AP2A1: variants seen among roughly 807,000 people sequenced by gnomAD.
The protein encoded by AP2A1 is AP-2 complex subunit alpha-1.
In AP2A1, 21 loss-of-function variants were observed where a neutral mutation model predicts 107.3. The ratio of observed to expected loss-of-function variants is 0.20; its 90% CI spans 0.14 to 0.28. AP2A1 has a LOEUF of 0.28. Among genes scored for constraint, AP2A1 ranks in the 10% least tolerant of loss-of-function variants. The pLI, the probability that AP2A1 is intolerant of heterozygous loss-of-function variation, is 1.00. For synonymous variants in AP2A1, 602 were observed against 564.8 expected (o/e 1.07, Z -0.93); for missense variants, 873 against 1,307.7 (o/e 0.67, Z 5.13).
chr19:49,773,332 G>A (rs758893380), intron 1 of AP2A1, among the ~76,000 whole-genome samples: 2 of 152,194 alleles, frequency 1.3e-5, no homozygotes, highest in Non-Finnish European at 2.9e-5. Context: ...TGGGAGCGGG[G>A]TGCTGGCTGC....
chr19:49,800,697 C>A, intron 11 of AP2A1: 1 of 387,936 alleles, frequency 2.6e-6, no homozygotes, highest in Non-Finnish European at 4.7e-6. Flanking sequence ...TTTGAAACTC[C>A]TGAGCTCAGG....
chr19:49,803,278 C>G lies in AP2A1; in HGVS notation c.2255-9C>G. On this transcript the variant is annotated splice_polypyrimidine_tract_variant and intron_variant, in intron 17 of 22. Transcript: ENST00000354293. ...TCAGATGGAGCTCTGCCTCCCCCAC[C>G]TACTGCAGGCCGCATGTATCTCTTC... 6.2e-7 allele frequency: 1 copy of G among 1,613,804 alleles called. No homozygotes were observed. Among genetic ancestry groups the G allele is most frequent in the Non-Finnish European group, 8.5e-7 (1 of 1,179,802 alleles).
chr19:49,782,025 T>C lies in AP2A1; in HGVS notation c.215T>C (p.Ile72Thr). Residue 72 changes from isoleucine to threonine, a missense_variant, in exon 3 of 23, where the codon ATT becomes ACT. By Grantham distance (89) the Ile-to-Thr change is moderately conservative. This residue lies in a region of AP2A1 where 87 missense variants were observed against 178.2 expected (regional missense o/e 0.49). Transcript: ENST00000354293. ...TTCATCTTCCTGCTTGGCCATGACA[T>C]TGACTTTGGGCACATGGAGGCTGTG... The part of the protein sequence containing the change: ...LLFIFLLGHD[I>T]DFGHMEAVNL... 1 of 1,599,418 alleles carries C rather than the reference T, an allele frequency of 6.3e-7. No individual in the cohort carries two copies. The highest frequency in any genetic ancestry group is 8.5e-7 in the Non-Finnish European group (1 of 1,172,558).
chr19:49,777,699 G>A lies in AP2A1; in HGVS notation c.68-4058G>A, dbSNP rs2084630868. On this transcript the variant is annotated intron_variant, in intron 1 of 22. Transcript: ENST00000354293. ...CCATGCCTATAATCCCAGCACTTCG[G>A]GAGGCTGAGGTGGGCGGAGGAGTTG... Among the ~76,000 whole-genome samples the A allele has an allele frequency of 3.3e-5, 5 of 152,086 alleles. No individual in the cohort carries two copies. The South Asian group carries it at 1.0e-3, about 32-fold the overall frequency.
Position 49,803,390 on chromosome 19 carries a change from C to T in AP2A1, c.2344+14C>T, listed in dbSNP as rs755768589. The T allele has an allele frequency of 1.9e-6, 3 of 1,608,656 alleles. No individual in the cohort carries two copies. The South Asian group carries it at 3.3e-5, about 18-fold the overall frequency. On this transcript the variant is annotated intron_variant, in intron 18 of 22. Transcript: ENST00000354293. ...ACCTCCAGACTCATATCCTCTCAGGCCCGGCCCAGCCTCCTGCCTCTCCAC... is the reference window on the plus strand; with the variant it reads ...ACCTCCAGACTCATATCCTCTCAGGTCCGGCCCAGCCTCCTGCCTCTCCAC...
At position 49,782,611 on chromosome 19, in the gene AP2A1, G is replaced by C. The variant is rs564385832; in HGVS notation, c.360G>C (p.Leu120=). The change falls in exon 4 of 23, where the codon CTG becomes CTC. Residue 120 remains leucine (L), a synonymous_variant. Coordinates refer to ENST00000354293, the MANE Select transcript of AP2A1 (RefSeq NM_130787.3). ...TCAACAACGCCATCAAGAATGACCT[G>C]GCCAGCCGCAACCCCACCTTCATGT... ...RLINNAIKND[L]ASRNPTFMCL... 15 of 1,613,820 alleles carry C rather than the reference G, an allele frequency of 9.3e-6. No homozygotes were observed. The African/African-American group carries it at 2.0e-4, about 21-fold the overall frequency.
At position 49,801,901 on chromosome 19, in the gene AP2A1, G is replaced by A. The variant is rs764541373; in HGVS notation, c.1953+12G>A. The A allele has an allele frequency of 2.7e-6, 4 of 1,470,126 alleles. No homozygotes were observed. The highest frequency in any genetic ancestry group is 2.4e-5 in the East Asian group (1 of 41,314). 91.1% of individuals were successfully genotyped at this position (1,470,126 alleles called of 1,614,324 possible). A position where few individuals can be genotyped will look rare whatever the true frequency, so the allele number is the denominator to read the frequency against. ...CCCCCAGCACTGTGGTGAGTCCCCTGGGGTGGGCCCTGCCAGGGTGCCTGG... is the reference window on the plus strand; with the variant it reads ...CCCCCAGCACTGTGGTGAGTCCCCTAGGGTGGGCCCTGCCAGGGTGCCTGG... On this transcript the variant is annotated intron_variant, in intron 14 of 22. Transcript: ENST00000354293.
chr19:49,802,922 C>G (rs1212496391), intron 15 of AP2A1, 27 bp from the exon 16 acceptor site: 1 of 1,608,958 alleles, frequency 6.2e-7, no homozygotes, highest in Admixed American at 1.7e-5. Context: ...AAGTTCCTTC[C>G]CATCTCACTC....
At chr19:49,800,422 A>G (rs180916365) in intron 11 of AP2A1, among the ~76,000 whole-genome samples, 87 of 152,266 alleles carry the variant, frequency 5.7e-4, no homozygotes, top group African/African-American at 2.0e-3. Context: ...CCTCTGCCCC[A>G]GGAAAGGGGC....
At chr19:49,805,169 GTTAAGA>G (rs1461091567) in intron 18 of AP2A1, 1 of 392,864 alleles carries the variant, frequency 2.5e-6, no homozygotes, top group East Asian at 3.9e-5. Flanking sequence ...CACTCAGGTG[GTTAAGA>G]GCTGGGATTC....
chr19:49,800,953 C>A lies in AP2A1; in HGVS notation c.1456-8C>A. ...TGTCCTCTCCACGCCCTTCCCCACC[C>A]CACTCAGGCGCTCCAGGCCCCTGCC... On this transcript the variant is annotated splice_polypyrimidine_tract_variant and splice_region_variant and intron_variant, in intron 11 of 22. Transcript: ENST00000354293. 1.3e-6 allele frequency: 2 copies of A among 1,588,972 alleles called. No individual in the cohort carries two copies. The highest frequency in any genetic ancestry group is 1.1e-5 in the South Asian group (1 of 87,468).
intron 3 of AP2A1, 32 bp from the exon 4 acceptor site, chr19:49,782,499 C>T (rs1452393435): frequency 5.6e-6 from 9 of 1,599,680 alleles, no homozygotes; most frequent in Non-Finnish European, 6.0e-6. Context: ...AGTCACAAGG[C>T]TCCTAGCCAT....
At chr19:49,773,541 G>A (rs945971176) in intron 1 of AP2A1, among the ~76,000 whole-genome samples, 2 of 152,166 alleles carry the variant, frequency 1.3e-5, no homozygotes, top group Admixed American at 6.5e-5. Context: ...GTTCCAGCTG[G>A]GTGCCAGGCA....
chr19:49,782,659 C>G lies in AP2A1; in HGVS notation c.408C>G (p.Ala136=). 1.2e-6 allele frequency: 2 copies of G among 1,612,962 alleles called. No homozygotes were observed. Among genetic ancestry groups the G allele is most frequent in the South Asian group, 2.2e-5 (2 of 90,992 alleles). ...TGTGCCTGGCCCTGCACTGCATCGC[C>G]AACGTGGGCAGCCGGGAGATGGGCG... is the stretch of plus-strand genomic sequence containing the variant. ...TFMCLALHCI[A]NVGSREMGEA... The change falls in exon 4 of 23, where the codon GCC becomes GCG. Residue 136 remains alanine (A), a synonymous_variant. Coordinates refer to ENST00000354293, the MANE Select transcript of AP2A1 (RefSeq NM_130787.3).
At chr19:49,774,073 C>T (rs1192019829) in intron 1 of AP2A1, among the ~76,000 whole-genome samples, 1 of 152,176 alleles carries the variant, frequency 6.6e-6, no homozygotes, top group Non-Finnish European at 1.5e-5. Context: ...TCACATGATC[C>T]CTCTGGCCTC....
At position 49,788,108 on chromosome 19, in the gene AP2A1, G is replaced by A. The variant is rs2073096363; in HGVS notation, c.474-3827G>A. On this transcript the variant is annotated intron_variant, in intron 4 of 22. Transcript: ENST00000354293. The surrounding 1 kb of genome is among the most constrained non-coding windows in gnomAD (Gnocchi z 4.5). ...ACTACAGGCACAAGCCACCAGGCCT[G>A]GCTAATATTTGAATTTTTTATAGAG... is the stretch of plus-strand genomic sequence containing the variant. Among the ~76,000 whole-genome samples, 1 of 152,124 alleles carries A rather than the reference G, an allele frequency of 6.6e-6. No individual in the cohort carries two copies.
intron 1 of AP2A1, among the ~76,000 whole-genome samples, chr19:49,771,927 A>G (rs1315827785): frequency 2.0e-5 from 3 of 152,148 alleles, no homozygotes. Flanking sequence ...AGGCGGGGCA[A>G]GTGCAAAGGT....
At chr19:49,772,481 T>C (rs1010589829) in intron 1 of AP2A1, among the ~76,000 whole-genome samples, 2 of 146,084 alleles carry the variant, frequency 1.4e-5, no homozygotes, top group Non-Finnish European at 3.0e-5. Context: ...CCTGGCCCCC[T>C]TCTCTATTTT....
intron 15 of AP2A1, 86 bp from the exon 16 acceptor site, chr19:49,802,863 A>C: frequency 6.9e-7 from 1 of 1,456,804 alleles, no homozygotes; most frequent in East Asian, 2.4e-5. Context: ...TTCTGTCCTT[A>C]GGGCTTGTTC....
Sources: gnomAD v4.1 joint callset for allele counts (sites outside exome capture counted in the v4.1 genomes callset) on GRCh38, gnomAD v4.1.1 for gene constraint, gnomAD v4.1.1 regional missense constraint, Gnocchi (gnomAD v3.1) non-coding constraint, MANE v1.5 for transcripts, NCBI Gene and HGNC (gene_info 2026-07-23, HGNC 2026-07-21) for gene names.